PTPRM: variants seen among roughly 807,000 people sequenced by gnomAD.
PTPRM encodes the protein receptor-type tyrosine-protein phosphatase mu.
PTPRM carries 47 observed loss-of-function variants against 186.7 expected under a neutral mutation model. That is an observed-to-expected ratio of 0.25 (90% CI 0.20 to 0.32). PTPRM has a LOEUF of 0.32. Ranked by LOEUF, PTPRM falls within the 10% of genes least tolerant of loss-of-function variation. The pLI, the probability that PTPRM is intolerant of heterozygous loss-of-function variation, is 1.00. For missense variants in PTPRM, 1,494 were observed against 1,865.0 expected, an observed-to-expected ratio of 0.80 and a Z score of 3.66; for synonymous variants, 668 against 674.9, an observed-to-expected ratio of 0.99 and a Z score of 0.16.
intron 23 of PTPRM, among the ~76,000 whole-genome samples, chr18:8,347,331 G>C (rs2095510747): frequency 6.6e-6 from 1 of 152,244 alleles, no homozygotes; most frequent in African/African-American, 2.4e-5. Flanking sequence ...ACACCACTGT[G>C]TCTGGACTCA....
rs765236941 is a variant in PTPRM, at chr18:7,888,380, A to G, written c.468+3A>G. 1 of 1,572,364 alleles carries G rather than the reference A, an allele frequency of 6.4e-7. No individual in the cohort carries two copies. The highest frequency in any genetic ancestry group is 8.6e-7 in the Non-Finnish European group (1 of 1,162,648). ...CTTTCTGGCCTAACTTTTATCAGGTATGTGCTTTCTTTTTATTACATATTT... is the reference window on the plus strand; with the variant it reads ...CTTTCTGGCCTAACTTTTATCAGGTGTGTGCTTTCTTTTTATTACATATTT... On this transcript the variant is annotated splice_donor_region_variant and intron_variant, in intron 3 of 32. Transcript: ENST00000580170.
At chr18:8,348,279 C>T (rs565007983) in intron 23 of PTPRM, among the ~76,000 whole-genome samples, 2 of 152,362 alleles carry the variant, frequency 1.3e-5, no homozygotes, top group African/African-American at 4.8e-5. Context: ...TGCCCTGAAG[C>T]GCTCTGCATT....
intron 23 of PTPRM, among the ~76,000 whole-genome samples, chr18:8,346,681 A>T (rs1250528323): frequency 6.6e-6 from 1 of 152,074 alleles, no homozygotes; most frequent in Non-Finnish European, 1.5e-5. Flanking sequence ...CATTCCGAGG[A>T]CTCAATAATA....
chr18:8,102,152 AT>A (rs2091319157), intron 11 of PTPRM, among the ~76,000 whole-genome samples: 1 of 152,236 alleles, frequency 6.6e-6, no homozygotes, highest in Non-Finnish European at 1.5e-5. Flanking sequence ...ACTGATGATC[AT>A]CTGAGCCTTC....
intron 22 of PTPRM, among the ~76,000 whole-genome samples, chr18:8,330,899 A>G (rs1005156758): frequency 1.3e-5 from 2 of 152,104 alleles, no homozygotes; most frequent in African/African-American, 4.8e-5. Flanking sequence ...GGTCTGTCCC[A>G]GGGATCAGGG....
rs746486799 is a variant in PTPRM at position 8,026,237 on chromosome 18, C to G, written c.1133-43449C>G. ...CCTCCATGGAAAGTCTGAGAACATC[C>G]TGGTAATCAGGGATAAATTTAGAGA... On this transcript the variant is annotated intron_variant, in intron 7 of 32. Coordinates refer to ENST00000580170, the MANE Select transcript of PTPRM (RefSeq NM_001105244.2). Among the ~76,000 whole-genome samples the G allele has an allele frequency of 3.3e-5, 5 of 152,298 alleles. 1 individual carries two copies. The South Asian group carries it at 6.2e-4, about 19-fold the overall frequency.
chr18:8,387,255 C>G lies in PTPRM; in HGVS notation c.4208+20C>G. 1 of 1,607,726 alleles carries G rather than the reference C, an allele frequency of 6.2e-7. No homozygotes were observed. The highest frequency in any genetic ancestry group is 1.7e-5 in the Admixed American group (1 of 59,764). On this transcript the variant is annotated intron_variant, in intron 31 of 32. Coordinates refer to ENST00000580170, the MANE Select transcript of PTPRM (RefSeq NM_001105244.2). ...CTGCTTGTAAGTGCTTGACAGAGCT[C>G]TTCATTTCAGAACAGCGAGGCCCCA...
intron 11 of PTPRM, among the ~76,000 whole-genome samples, chr18:8,098,139 C>T (rs768320230): frequency 5.3e-5 from 8 of 151,994 alleles, no homozygotes; most frequent in Non-Finnish European, 8.8e-5. Context: ...GTAAGTGCAC[C>T]GTATGATGTT....
At chr18:7,957,359 A>G (rs144630430) in intron 7 of PTPRM, among the ~76,000 whole-genome samples, 102 of 152,310 alleles carry the variant, frequency 6.7e-4, no homozygotes, top group African/African-American at 2.4e-3. Flanking sequence ...TTACCTTTTA[A>G]TAATAGATTG....
chr18:8,278,618 T>C (rs2094864974), intron 19 of PTPRM, among the ~76,000 whole-genome samples: 1 of 152,208 alleles, frequency 6.6e-6, no homozygotes, highest in East Asian at 1.9e-4. Flanking sequence ...GCTTAGAAGT[T>C]CGTTTGAAGT....
At chr18:8,086,154 C>T (rs572391570) in intron 10 of PTPRM, among the ~76,000 whole-genome samples, 130 of 152,224 alleles carry the variant, frequency 8.5e-4, no homozygotes, top group South Asian at 2.3e-3. Context: ...ACTCTCATCC[C>T]CTTGTCAATC....
intron 1 of PTPRM, among the ~76,000 whole-genome samples, chr18:7,701,585 G>A (rs1044800296): frequency 3.3e-5 from 5 of 151,924 alleles, no homozygotes; most frequent in Admixed American, 3.3e-4. Flanking sequence ...GGTGACAGAG[G>A]GAGACTCGTC....
intron 14 of PTPRM, among the ~76,000 whole-genome samples, chr18:8,188,422 G>A (rs1733770533): frequency 6.6e-6 from 1 of 152,236 alleles, no homozygotes; most frequent in Non-Finnish European, 1.5e-5. Flanking sequence ...ATGCTGCTCT[G>A]TGATGAATCA....
intron 23 of PTPRM, among the ~76,000 whole-genome samples, chr18:8,344,448 GTATATATA>G (rs1207996603): frequency 6.0e-5 from 2 of 33,420 alleles, no homozygotes; most frequent in Non-Finnish European, 2.1e-4. Flanking sequence ...GTGTGTGTGT[GTATATATA>G]TATATATATA....
chr18:7,627,415 C>A (rs1319732411), intron 1 of PTPRM, among the ~76,000 whole-genome samples: 3 of 152,154 alleles, frequency 2.0e-5, no homozygotes, highest in African/African-American at 7.2e-5. Flanking sequence ...TTCTTGGCCT[C>A]CTCAGCCCTT....
intron 19 of PTPRM, among the ~76,000 whole-genome samples, chr18:8,291,377 G>A (rs559929314): frequency 3.4e-4 from 52 of 152,266 alleles, no homozygotes; most frequent in African/African-American, 1.2e-3. Context: ...CATATGCTTC[G>A]AAAATCCTTA....
At chr18:8,319,945 C>T (rs939259707) in intron 22 of PTPRM, among the ~76,000 whole-genome samples, 1 of 151,982 alleles carries the variant, frequency 6.6e-6, no homozygotes, top group Non-Finnish European at 1.5e-5. Context: ...ATTTTCCCAG[C>T]GTATGAAGTG....
intron 1 of PTPRM, among the ~76,000 whole-genome samples, chr18:7,737,595 G>A (rs1261037464): frequency 6.6e-6 from 1 of 152,210 alleles, no homozygotes; most frequent in African/African-American, 2.4e-5. Flanking sequence ...TAAAATACCT[G>A]TGGACTGGCT....
At chr18:8,243,577 C>T (rs2094451567) in intron 14 of PTPRM, among the ~76,000 whole-genome samples, 1 of 152,186 alleles carries the variant, frequency 6.6e-6, no homozygotes, top group Middle Eastern at 3.2e-3. Flanking sequence ...TAGTTCTGTT[C>T]TTTAGTTTTA....
Sources: allele counts gnomAD v4.1 joint callset (sites outside exome capture counted in the v4.1 genomes callset), GRCh38; gene constraint gnomAD v4.1.1; transcripts MANE v1.5; gene names NCBI Gene and HGNC (gene_info 2026-07-23, HGNC 2026-07-21).